The following GIMAP1 variants were observed in gnomAD, a reference collection of about 807,000 sequenced individuals.
GIMAP1 encodes GTPase, IMAP family member 1.
For synonymous variants in GIMAP1, 230 were observed against 187.7 expected (o/e 1.23, Z -1.84); for missense variants, 423 against 411.9 (o/e 1.03, Z -0.23).
At chr7:150,718,471 A>T (rs1275588404) in intron 1 of GIMAP1, among the ~76,000 whole-genome samples, 1 of 152,136 alleles carries the variant, frequency 6.6e-6, no homozygotes, top group African/African-American at 2.4e-5. Context: ...CTTTCTTCCC[A>T]GGTCAGCCAC....
At chr7:150,718,749 C>T (rs1797251616) in intron 1 of GIMAP1, among the ~76,000 whole-genome samples, 1 of 152,186 alleles carries the variant, frequency 6.6e-6, no homozygotes, top group Admixed American at 6.5e-5. Flanking sequence ...GGGTGTTGGC[C>T]CTTCCAAGGC....
chr7:150,717,777 C>T (rs1253818186), intron 1 of GIMAP1, among the ~76,000 whole-genome samples: 1 of 152,186 alleles, frequency 6.6e-6, no homozygotes, highest in Non-Finnish European at 1.5e-5. Flanking sequence ...TTCATTCCTA[C>T]ATGCAAAATA....
chr7:150,720,753 G>A lies in GIMAP1; in HGVS notation c.749G>A (p.Arg250Lys). The A allele has an allele frequency of 6.4e-7, 1 of 1,567,994 alleles. No homozygotes were observed. The highest frequency in any genetic ancestry group is 8.6e-7 in the Non-Finnish European group (1 of 1,157,054). ...LRRVAERVAARVQRRPWGAWL... is the reference protein window; with the variant it reads ...LRRVAERVAAKVQRRPWGAWL... Reference sequence around the variant, plus strand: ...CGGGTGGCGGAGCGCGTGGCAGCCAGGGTGCAGAGGAGGCCATGGGGCGCC... The same window carrying A: ...CGGGTGGCGGAGCGCGTGGCAGCCAAGGTGCAGAGGAGGCCATGGGGCGCC... Residue 250 changes from arginine (R) to lysine (K), a missense_variant, in exon 3 of 3, where the codon AGG becomes AAG. Physicochemically the swap from Arg to Lys is conservative, Grantham distance 26. Coordinates refer to ENST00000307194, the MANE Select transcript of GIMAP1 (RefSeq NM_130759.4). The surrounding 1 kb of genome is among the most constrained non-coding windows in gnomAD (Gnocchi z 4.5).
chr7:150,722,207 G>A lies in GIMAP1; in HGVS notation c.*1282G>A, dbSNP rs10952284. The A allele has an allele frequency of 0.13, 19,603 of 152,366 alleles. 1,363 individuals carry two copies. Among genetic ancestry groups the A allele is most frequent in the Middle Eastern group, 0.23 (67 of 294 alleles). 9.4% of individuals were successfully genotyped at this position (152,366 alleles called of 1,614,324 possible). On this transcript the variant is annotated 3_prime_UTR_variant, in exon 3 of 3. Transcript: ENST00000307194. ...ATCAGCCAGCCTCTAGTGAGGTCAT[G>A]GAGACATGGGAAGCAGGTATTCACA...
chr7:150,718,488 G>T lies in GIMAP1; in HGVS notation c.-6-554G>T, dbSNP rs114459052. Among the ~76,000 whole-genome samples the T allele has an allele frequency of 3.3e-3, 509 of 152,250 alleles. 4 individuals are homozygous for T. The highest frequency in any genetic ancestry group is 0.012 in the African/African-American group (495 of 41,548). ...TTCTTCCCAGGTCAGCCACTTGAAG[G>T]TGGGTGCCTAAGTCACTGGGCACAT... On this transcript the variant is annotated intron_variant, in intron 1 of 2. Transcript: ENST00000307194.
At chr7:150,719,324 A>C in intron 2 of GIMAP1, 1 of 546,468 alleles carries the variant, frequency 1.8e-6, no homozygotes, top group East Asian at 2.9e-5. Context: ...AGGATAATAA[A>C]CCTACTCCGA....
At chr7:150,718,874 C>A (rs886278507) in intron 1 of GIMAP1, among the ~76,000 whole-genome samples, 168 bp from the exon 2 acceptor site, 1 of 152,194 alleles carries the variant, frequency 6.6e-6, no homozygotes, top group African/African-American at 2.4e-5. Context: ...CCAAGACATA[C>A]ACCTAGATTT....
Position 150,720,832 on chromosome 7 carries a change from G to A in GIMAP1, c.828G>A (p.Leu276=). The stretch of plus-strand genomic sequence containing the variant: ...TGAAGTCCCCCAGGAGCTGGAGGCT[G>A]GGCCTGGCCCTGCTGCTGGGGGGCG... ...KWLKSPRSWR[L]GLALLLGGAL... Residue 276 remains leucine, a synonymous_variant, in exon 3 of 3, where the codon CTG becomes CTA. Transcript: ENST00000307194. The surrounding 1 kb of genome is among the most constrained non-coding windows in gnomAD (Gnocchi z 4.5). 6.2e-7 allele frequency: 1 copy of A among 1,604,436 alleles called. No homozygotes were observed. The highest frequency in any genetic ancestry group is 8.5e-7 in the Non-Finnish European group (1 of 1,177,310).
At position 150,721,070 on chromosome 7, in the gene GIMAP1, G is replaced by C; in HGVS notation, c.*145G>C. 1 of 701,536 alleles carries C rather than the reference G, an allele frequency of 1.4e-6. No homozygotes were observed. The highest frequency in any genetic ancestry group is 2.1e-6 in the Non-Finnish European group (1 of 467,114). 43.5% of individuals were successfully genotyped at this position (701,536 alleles called of 1,614,324 possible). ...CAGAAAACTTTGCTGCATCACCTTTGCAACTTTGCCAAAGCTCAGAGTTCA... is the reference window on the plus strand; with the variant it reads ...CAGAAAACTTTGCTGCATCACCTTTCCAACTTTGCCAAAGCTCAGAGTTCA... On this transcript the variant is annotated 3_prime_UTR_variant, in exon 3 of 3. Transcript: ENST00000307194.
At position 150,722,666 on chromosome 7, in the gene GIMAP1, C is replaced by G. The variant is rs1300994485; in HGVS notation, c.*1741C>G. On this transcript the variant is annotated 3_prime_UTR_variant, in exon 3 of 3. Coordinates refer to ENST00000307194, the MANE Select transcript of GIMAP1 (RefSeq NM_130759.4). ...ACTTTTATCAAAGTGGTTTAATGTA[C>G]AGCAGCAACAAAGCTGCTTTGTGGA... 4 of 152,394 alleles carry G rather than the reference C, an allele frequency of 2.6e-5. No homozygotes were observed. In the East Asian group the frequency reaches 7.7e-4, roughly 29 times the overall value. 9.4% of individuals were successfully genotyped at this position (152,394 alleles called of 1,614,324 possible).
Position 150,721,060 on chromosome 7 carries a change from C to A in GIMAP1, c.*135C>A. ...TTTAATGACACAGAAAACTTTGCTG[C>A]ATCACCTTTGCAACTTTGCCAAAGC... On this transcript the variant is annotated 3_prime_UTR_variant, in exon 3 of 3. Transcript: ENST00000307194. 1.2e-6 allele frequency: 1 copy of A among 845,356 alleles called. No homozygotes were observed. Among genetic ancestry groups the A allele is most frequent in the Non-Finnish European group, 1.7e-6 (1 of 595,058 alleles). The allele number at this position is 845,356 out of a possible 1,614,324, so 52.4% of individuals were successfully genotyped here.
chr7:150,720,022 T>G lies in GIMAP1; in HGVS notation c.44-26T>G, dbSNP rs1463848229. ...CAAGGGGAAGTTGGTTAAACTTAAG[T>G]AAGATTATAACACTTGGTCTCACAG... On this transcript the variant is annotated intron_variant, in intron 2 of 2. Transcript: ENST00000307194. This position sits in a 1 kb window ranked among gnomAD's most constrained non-coding sequence, Gnocchi z 4.5. The G allele has an allele frequency of 2.0e-6, 3 of 1,522,456 alleles. No homozygotes were observed. Among genetic ancestry groups the G allele is most frequent in the Non-Finnish European group, 2.6e-6 (3 of 1,134,008 alleles). The allele number at this position is 1,522,456 out of a possible 1,614,324, so 94.3% of individuals were successfully genotyped here.
rs754447995 is a variant in GIMAP1, at chr7:150,720,894, C to T, written c.890C>T (p.Ser297Leu). The change falls in exon 3 of 3, where the codon TCG (serine) becomes TTG (leucine). Residue 297 changes from serine to leucine, a missense_variant. Coordinates refer to ENST00000307194, the MANE Select transcript of GIMAP1 (RefSeq NM_130759.4). The surrounding 1 kb of genome is among the most constrained non-coding windows in gnomAD (Gnocchi z 4.5). Reference protein sequence around the residue: ...LFWVLLHRRWSEAVAEVGPD With the variant: ...LFWVLLHRRWLEAVAEVGPD ...TGGGTGCTGCTCCACAGGCGGTGGT[C>T]GGAGGCCGTTGCGGAGGTCGGGCCT... The T allele has an allele frequency of 6.3e-6, 10 of 1,589,892 alleles. No homozygotes were observed. The Admixed American group carries it at 1.0e-4, about 17-fold the overall frequency.
At chr7:150,719,978 G>C (rs1797271259) in intron 2 of GIMAP1, 70 bp from the exon 3 acceptor site, 1 of 1,494,156 alleles carries the variant, frequency 6.7e-7, no homozygotes. Flanking sequence ...TATGCTAAAG[G>C]CAAGAAGATT....
At chr7:150,718,579 T>C (rs1451684512) in intron 1 of GIMAP1, among the ~76,000 whole-genome samples, 1 of 152,210 alleles carries the variant, frequency 6.6e-6, no homozygotes, top group Non-Finnish European at 1.5e-5. Flanking sequence ...CTCTAGCTTA[T>C]GTCAGTGATA....
chr7:150,720,590 G>A lies in GIMAP1; in HGVS notation c.586G>A (p.Glu196Lys), dbSNP rs766760280. ...CTTTGATAACCGGGCCACCGGCCGG[G>A]AGCAGGAAGCCCAGGTGGAGCAGCT... Reference protein sequence around the residue: ...CAFDNRATGREQEAQVEQLLG... With the variant: ...CAFDNRATGRKQEAQVEQLLG... Residue 196 changes from glutamate (E) to lysine (K), a missense_variant, in exon 3 of 3, where the codon GAG (glutamate) becomes AAG (lysine). Coordinates refer to ENST00000307194, the MANE Select transcript of GIMAP1 (RefSeq NM_130759.4). This position sits in a 1 kb window ranked among gnomAD's most constrained non-coding sequence, Gnocchi z 4.5. 9 of 1,613,862 alleles carry A rather than the reference G, an allele frequency of 5.6e-6. No homozygotes were observed. In the South Asian group the frequency reaches 7.7e-5, roughly 14 times the overall value.
intron 1 of GIMAP1, among the ~76,000 whole-genome samples, chr7:150,717,735 A>G (rs777323034): frequency 3.3e-5 from 5 of 152,104 alleles, no homozygotes; most frequent in Admixed American, 6.5e-5. Flanking sequence ...CTGTTTCTTC[A>G]TTTCTGCTTT....
chr7:150,717,137 T>C (rs1480486996), intron 1 of GIMAP1, among the ~76,000 whole-genome samples: 1 of 152,198 alleles, frequency 6.6e-6, no homozygotes, highest in Non-Finnish European at 1.5e-5. Context: ...TCCTCCTCAC[T>C]GTCCACAGAA....
rs776261067 is a variant in GIMAP1 at position 150,723,132 on chromosome 7, T to G, written c.*2207T>G. ...TGCTATCATCTTTGAATTTGAATAA[T>G]GTATTATTAAAGAAGTTACAGTTTT... On this transcript the variant is annotated 3_prime_UTR_variant, in exon 3 of 3. Coordinates refer to ENST00000307194, the MANE Select transcript of GIMAP1 (RefSeq NM_130759.4). The G allele has an allele frequency of 2.6e-5, 4 of 152,224 alleles. No homozygotes were observed. Among genetic ancestry groups the G allele is most frequent in the Non-Finnish European group, 2.9e-5 (2 of 68,042 alleles). The allele number at this position is 152,224 out of a possible 1,614,324, so 9.4% of individuals were successfully genotyped here. A position where few individuals can be genotyped will look rare whatever the true frequency, so the allele number is the denominator to read the frequency against.
Sources: gnomAD v4.1 joint callset for allele counts (sites outside exome capture counted in the v4.1 genomes callset) on GRCh38, gnomAD v4.1.1 for gene constraint, Gnocchi (gnomAD v3.1) non-coding constraint, MANE v1.5 for transcripts, NCBI Gene and HGNC (gene_info 2026-07-23, HGNC 2026-07-21) for gene names.